The following ADARB2 variants were observed in gnomAD, a reference collection of about 807,000 sequenced individuals.
ADARB2 encodes adenosine deaminase RNA specific B2 (inactive), also known as inactive double-stranded RNA-specific editase B2.
A neutral mutation model predicts 62.2 loss-of-function variants in ADARB2; 25 were observed. The ratio of observed to expected loss-of-function variants is 0.40; its 90% CI spans 0.29 to 0.56. ADARB2 has a LOEUF of 0.56. ADARB2 is among the 20% of genes least tolerant of loss of function. The pLI is 0.43. For missense variants in ADARB2, 1,071 were observed against 1,077.4 expected (o/e 0.99, Z 0.08); for synonymous variants, 572 against 500.8 (o/e 1.14, Z -1.90).
At chr10:1,448,153 T>C (rs1029596242) in intron 1 of ADARB2, among the ~76,000 whole-genome samples, 2 of 152,224 alleles carry the variant, frequency 1.3e-5, no homozygotes, top group Admixed American at 6.5e-5. Flanking sequence ...TGGTGTTTGA[T>C]TTGTGTAATA....
rs527438960 is a variant in ADARB2 at position 1,301,845 on chromosome 10, G to A, written c.1078-30776C>T. Reference sequence around the variant, plus strand: ...GGCAGAAGCTACAGAGATGTTCCCTGTACCTGCTGCCTCCACACATGCACC... The same window carrying A: ...GGCAGAAGCTACAGAGATGTTCCCTATACCTGCTGCCTCCACACATGCACC... On this transcript the variant is annotated intron_variant, in intron 3 of 9. Coordinates refer to ENST00000381312, the MANE Select transcript of ADARB2 (RefSeq NM_018702.4). Among the ~76,000 whole-genome samples the A allele has an allele frequency of 9.9e-5, 15 of 152,276 alleles. No individual in the cohort carries two copies. The East Asian group carries it at 1.9e-3, about 20-fold the overall frequency.
intron 4 of ADARB2, among the ~76,000 whole-genome samples, chr10:1,267,324 T>A (rs1314669396): frequency 2.6e-5 from 4 of 152,134 alleles, no homozygotes. Flanking sequence ...GACAAGCAAA[T>A]CAAGGAATTT....
chr10:1,201,914 C>T (rs527782736), intron 7 of ADARB2, among the ~76,000 whole-genome samples: 20 of 151,670 alleles, frequency 1.3e-4, no homozygotes, highest in African/African-American at 4.6e-4. Context: ...CACACAGCGC[C>T]TGTCACCGAG....
At chr10:1,626,711 T>C (rs1006304149) in intron 1 of ADARB2, among the ~76,000 whole-genome samples, 7 of 152,136 alleles carry the variant, frequency 4.6e-5, no homozygotes, top group South Asian at 4.1e-4. Context: ...GGAAGGTGGC[T>C]ACACACGTCC....
In ADARB2 at chr10:1,302,455, G is replaced by T. The variant is rs1442024051; in HGVS notation, c.1078-31386C>A. ...AGGCGGCAGCGAGCCTGGGGGAGGGGCGCCCACCATTGGCCAGGCTTGCTT... is the reference window on the plus strand; with the variant it reads ...AGGCGGCAGCGAGCCTGGGGGAGGGTCGCCCACCATTGGCCAGGCTTGCTT... On this transcript the variant is annotated intron_variant, in intron 3 of 9. Transcript: ENST00000381312. Among the ~76,000 whole-genome samples the T allele has an allele frequency of 2.0e-5, 3 of 152,364 alleles. No homozygotes were observed. In the East Asian group the frequency reaches 5.8e-4, roughly 29 times the overall value.
chr10:1,433,901 T>C (rs2131891172), intron 1 of ADARB2, among the ~76,000 whole-genome samples: 1 of 152,346 alleles, frequency 6.6e-6, no homozygotes, highest in South Asian at 2.1e-4. Context: ...TACACCTCGG[T>C]GGACCCTATA....
intron 1 of ADARB2, among the ~76,000 whole-genome samples, chr10:1,560,898 G>A (rs1214592184): frequency 2.0e-5 from 3 of 152,128 alleles, no homozygotes; most frequent in Admixed American, 6.5e-5. Context: ...TTCCAAATAC[G>A]TCTTGCCAAA....
At chr10:1,468,954 C>T (rs1047127599) in intron 1 of ADARB2, among the ~76,000 whole-genome samples, 17 of 152,318 alleles carry the variant, frequency 1.1e-4, no homozygotes, top group African/African-American at 3.6e-4. Flanking sequence ...CTTAGAACGT[C>T]GGGGTGTCTT....
intron 1 of ADARB2, among the ~76,000 whole-genome samples, chr10:1,429,871 C>A (rs2131889407): frequency 6.6e-6 from 1 of 152,182 alleles, no homozygotes; most frequent in South Asian, 2.1e-4. Flanking sequence ...CCTCCCCTGT[C>A]TTACTCCTCT....
intron 3 of ADARB2, among the ~76,000 whole-genome samples, chr10:1,303,316 A>G (rs1325948944): frequency 8.6e-5 from 13 of 152,044 alleles, no homozygotes; most frequent in Non-Finnish European, 8.8e-5. Flanking sequence ...AGCGAGAAGG[A>G]AAGTTTAGAG....
chr10:1,642,814 C>CCACACT (rs1222736876), intron 1 of ADARB2, among the ~76,000 whole-genome samples: 1 of 152,016 alleles, frequency 6.6e-6, no homozygotes, highest in African/African-American at 2.4e-5. Context: ...AGACACACAT[C>CCACACT]CACACTCACA....
intron 1 of ADARB2, among the ~76,000 whole-genome samples, chr10:1,389,340 T>C (rs1832549715): frequency 6.6e-6 from 1 of 152,238 alleles, no homozygotes; most frequent in South Asian, 2.1e-4. Flanking sequence ...CACTGTTGAT[T>C]AAGCTAAAAG....
intron 8 of ADARB2, among the ~76,000 whole-genome samples, chr10:1,187,112 C>T (rs908114647): frequency 6.6e-5 from 10 of 152,240 alleles, no homozygotes; most frequent in Non-Finnish European, 1.0e-4. Context: ...TGATGTGGGA[C>T]ACCCAAGCGA....
At chr10:1,313,951 A>G (rs377629352) in intron 3 of ADARB2, among the ~76,000 whole-genome samples, 2 of 152,086 alleles carry the variant, frequency 1.3e-5, no homozygotes, top group African/African-American at 4.8e-5. Context: ...GAAACTCGCT[A>G]TGTCTGAAAA....
chr10:1,209,547 AT>A (rs1197686118), intron 7 of ADARB2, among the ~76,000 whole-genome samples: 566 of 35,788 alleles, frequency 0.016, 4 homozygotes, highest in African/African-American at 0.036. Context: ...GCCCACACCC[AT>A]GCCATCACCC....
At chr10:1,590,911 C>G (rs530834606) in intron 1 of ADARB2, among the ~76,000 whole-genome samples, 2 of 152,254 alleles carry the variant, frequency 1.3e-5, no homozygotes, top group East Asian at 3.9e-4. Flanking sequence ...TCAGGTTACT[C>G]AGTAAAAGGG....
chr10:1,320,898 G>A lies in ADARB2; in HGVS notation c.1077+42130C>T, dbSNP rs376310171. On this transcript the variant is annotated intron_variant, in intron 3 of 9. Transcript: ENST00000381312. Reference sequence around the variant, plus strand: ...TGGGGCATTGTGGATGTGCAGTGCCGTATTGTAATTGTAAACAGAAATGAA... The same window carrying A: ...TGGGGCATTGTGGATGTGCAGTGCCATATTGTAATTGTAAACAGAAATGAA... Among the ~76,000 whole-genome samples, 13 of 152,302 alleles carry A rather than the reference G, an allele frequency of 8.5e-5. No homozygotes were observed. In the East Asian group the frequency reaches 1.9e-3, roughly 23 times the overall value.
At chr10:1,473,198 G>C (rs1831349457) in intron 1 of ADARB2, among the ~76,000 whole-genome samples, 2 of 152,116 alleles carry the variant, frequency 1.3e-5, no homozygotes, top group Admixed American at 6.5e-5. Flanking sequence ...TTTCTGCTCT[G>C]AAGATTTTAA....
At chr10:1,437,969 C>T (rs1247441529) in intron 1 of ADARB2, among the ~76,000 whole-genome samples, 2 of 152,236 alleles carry the variant, frequency 1.3e-5, no homozygotes, top group Non-Finnish European at 1.5e-5. Context: ...ATTATGCCAG[C>T]TGGCATGACC....
Sources: allele counts gnomAD v4.1 joint callset (sites outside exome capture counted in the v4.1 genomes callset), GRCh38; gene constraint gnomAD v4.1.1; transcripts MANE v1.5; gene names NCBI Gene and HGNC (gene_info 2026-07-23, HGNC 2026-07-21).